Variants in PRKCE observed in about 807,000 individuals in gnomAD.
PRKCE encodes the protein protein kinase C epsilon.
A neutral mutation model predicts 85.4 loss-of-function variants in PRKCE; 16 were observed. That is an observed-to-expected ratio of 0.19 (90% CI 0.13 to 0.28). The LOEUF is 0.28. Among genes scored for constraint, PRKCE ranks in the 10% least tolerant of loss-of-function variants. PRKCE has a pLI of 1.00. For synonymous variants in PRKCE, 388 were observed against 371.5 expected (o/e 1.04, Z -0.51); for missense variants, 573 against 975.2 (o/e 0.59, Z 5.49).
chr2:46,120,021 A>G (rs576879519), intron 11 of PRKCE, among the ~76,000 whole-genome samples: 10 of 152,320 alleles, frequency 6.6e-5, no homozygotes, highest in African/African-American at 2.4e-4. Context: ...TTGTCTGTTA[A>G]GCCCTGGGGC....
chr2:45,893,477 C>T lies in PRKCE; in HGVS notation c.412+50414C>T, dbSNP rs138684418. Among the ~76,000 whole-genome samples the T allele has an allele frequency of 9.4e-3, 1,433 of 151,990 alleles. 21 individuals carry two copies. Among genetic ancestry groups the T allele is most frequent in the African/African-American group, 0.032 (1,334 of 41,444 alleles). ...CTGCCTCCTGGGTTCAGGCAATTCTCCTGCCTCAGCCTCCTGAGTAGCTGG... is the reference window on the plus strand; with the variant it reads ...CTGCCTCCTGGGTTCAGGCAATTCTTCTGCCTCAGCCTCCTGAGTAGCTGG... On this transcript the variant is annotated intron_variant, in intron 2 of 14. Coordinates refer to ENST00000306156, the MANE Select transcript of PRKCE (RefSeq NM_005400.3).
chr2:46,122,414 A>G (rs1673401179), intron 11 of PRKCE, among the ~76,000 whole-genome samples: 1 of 151,966 alleles, frequency 6.6e-6, no homozygotes, highest in East Asian at 1.9e-4. Flanking sequence ...TATTTTTAGT[A>G]GACGGGGTTT....
chr2:45,654,542 C>T (rs367696531), intron 1 of PRKCE, among the ~76,000 whole-genome samples: 5 of 152,328 alleles, frequency 3.3e-5, no homozygotes, highest in Admixed American at 6.5e-5. Context: ...GATGGGGAGC[C>T]GAGCCTGCCC....
chr2:46,119,385 T>G (rs779847373), intron 11 of PRKCE, among the ~76,000 whole-genome samples: 5 of 152,146 alleles, frequency 3.3e-5, no homozygotes, highest in Non-Finnish European at 5.9e-5. Flanking sequence ...TCTAGCTAAA[T>G]GATGTCACTT....
intron 2 of PRKCE, among the ~76,000 whole-genome samples, chr2:45,903,469 C>T (rs180690931): frequency 2.6e-5 from 4 of 152,058 alleles, no homozygotes; most frequent in Admixed American, 1.3e-4. Context: ...AAGATGAGGC[C>T]GAAAGACCCA....
intron 6 of PRKCE, among the ~76,000 whole-genome samples, chr2:45,991,614 G>T (rs1250372217): frequency 6.6e-6 from 1 of 152,150 alleles, no homozygotes; most frequent in Non-Finnish European, 1.5e-5. Context: ...ACTGGTTTGT[G>T]TGTTGTCGCC....
At chr2:46,120,429 C>T (rs1225492045) in intron 11 of PRKCE, among the ~76,000 whole-genome samples, 1 of 152,078 alleles carries the variant, frequency 6.6e-6, no homozygotes, top group Non-Finnish European at 1.5e-5. Context: ...AAGATTTATC[C>T]AGCCTAACAT....
At chr2:45,858,039 G>A (rs189135496) in intron 2 of PRKCE, among the ~76,000 whole-genome samples, 2 of 152,340 alleles carry the variant, frequency 1.3e-5, no homozygotes, top group East Asian at 3.9e-4. Context: ...CTGTTTGAAG[G>A]CTGAAGGGAT....
At chr2:46,084,813 G>T (rs540699549) in intron 10 of PRKCE, among the ~76,000 whole-genome samples, 81 of 151,400 alleles carry the variant, frequency 5.4e-4, no homozygotes, top group Admixed American at 3.1e-3. Flanking sequence ...AACTGATCTG[G>T]TCAGTTTACT....
chr2:46,122,895 T>G (rs895891290), intron 11 of PRKCE, among the ~76,000 whole-genome samples: 1 of 149,878 alleles, frequency 6.7e-6, no homozygotes, highest in Non-Finnish European at 1.5e-5. Flanking sequence ...TTTTTTTTTT[T>G]TTTTTTTTTA....
chr2:45,816,361 G>A (rs1689041792), intron 1 of PRKCE, among the ~76,000 whole-genome samples: 1 of 152,070 alleles, frequency 6.6e-6, no homozygotes, highest in Non-Finnish European at 1.5e-5. Flanking sequence ...AAAGTTTTTG[G>A]AGTGTCCTGG....
chr2:46,049,070 C>A (rs997486971), intron 10 of PRKCE, among the ~76,000 whole-genome samples: 3 of 152,074 alleles, frequency 2.0e-5, no homozygotes, highest in Non-Finnish European at 4.4e-5. Flanking sequence ...CCTTGGAGTC[C>A]CGTGATGTCT....
At chr2:46,166,073 CG>C (rs1272484069) in intron 14 of PRKCE, among the ~76,000 whole-genome samples, 1 of 152,166 alleles carries the variant, frequency 6.6e-6, no homozygotes, top group Non-Finnish European at 1.5e-5. Flanking sequence ...TCCAGCCATC[CG>C]CGCTGCATGG....
rs576543770 is a variant in PRKCE, at chr2:46,022,157, C to T, written c.1437+11640C>T. Among the ~76,000 whole-genome samples, 12 of 152,262 alleles carry T rather than the reference C, an allele frequency of 7.9e-5. No homozygotes were observed. The South Asian group carries it at 1.7e-3, about 21-fold the overall frequency. On this transcript the variant is annotated intron_variant, in intron 10 of 14. Transcript: ENST00000306156. ...ACAGGATGCAGTAAAGAAGGCACCACGAGTCAAGAAACTGCAGGTCTAGCT... is the reference window on the plus strand; with the variant it reads ...ACAGGATGCAGTAAAGAAGGCACCATGAGTCAAGAAACTGCAGGTCTAGCT...
At chr2:45,937,978 T>A (rs776244643) in intron 2 of PRKCE, among the ~76,000 whole-genome samples, 7 of 152,206 alleles carry the variant, frequency 4.6e-5, no homozygotes, top group Non-Finnish European at 8.8e-5. Flanking sequence ...CTTGCTGCCA[T>A]GCTGGCTTCT....
At chr2:45,677,919 A>T in intron 1 of PRKCE, 1 of 984,702 alleles carries the variant, frequency 1.0e-6, no homozygotes, top group African/African-American at 1.7e-5. Context: ...GGGAACCGGT[A>T]GGAGCATATC....
chr2:45,658,519 G>T (rs1675487627), intron 1 of PRKCE, among the ~76,000 whole-genome samples: 1 of 152,182 alleles, frequency 6.6e-6, no homozygotes, highest in Non-Finnish European at 1.5e-5. Flanking sequence ...TAACTGGAAG[G>T]CATCTCCACC....
At chr2:45,993,017 C>G (rs1358051516) in intron 6 of PRKCE, among the ~76,000 whole-genome samples, 1 of 152,178 alleles carries the variant, frequency 6.6e-6, no homozygotes, top group African/African-American at 2.4e-5. Context: ...ACAACTTTAT[C>G]CAAATGAAAC....
intron 2 of PRKCE, among the ~76,000 whole-genome samples, chr2:45,921,438 C>CTA (rs1558836760): frequency 6.6e-6 from 1 of 152,248 alleles, no homozygotes; most frequent in East Asian, 1.9e-4. Flanking sequence ...CACTTGCGTG[C>CTA]CAGCTACTCT....
Sources: allele counts gnomAD v4.1 joint callset (sites outside exome capture counted in the v4.1 genomes callset), GRCh38; gene constraint gnomAD v4.1.1; transcripts MANE v1.5; gene names NCBI Gene and HGNC (gene_info 2026-07-23, HGNC 2026-07-21).